RBFOX3: variants seen among roughly 807,000 people sequenced by gnomAD.
The protein encoded by RBFOX3 is RNA binding protein fox-1 homolog 3.
A neutral mutation model predicts 48.7 loss-of-function variants in RBFOX3; 17 were observed. The observed-to-expected ratio is 0.35, with a 90% CI of 0.24 to 0.52. The LOEUF (loss-of-function observed/expected upper bound fraction) is 0.52, where lower values mean the gene tolerates loss of function less well. Ranked by LOEUF, RBFOX3 falls within the 20% of genes least tolerant of loss-of-function variation. The pLI is 0.94. For missense variants in RBFOX3, 382 were observed against 497.5 expected (o/e 0.77, Z 2.21); for synonymous variants, 212 against 209.5 (o/e 1.01, Z -0.10).
At chr17:79,268,748 G>C (rs1254540640) in intron 3 of RBFOX3, among the ~76,000 whole-genome samples, 1 of 151,926 alleles carries the variant, frequency 6.6e-6, no homozygotes, top group African/African-American at 2.4e-5. Context: ...CTCCCCATCT[G>C]TCCCTCTCCA....
intron 4 of RBFOX3, among the ~76,000 whole-genome samples, chr17:79,122,548 G>C (rs1017270023): frequency 6.6e-6 from 1 of 152,202 alleles, no homozygotes; most frequent in African/African-American, 2.4e-5. Context: ...CCGAAAGACA[G>C]GCAATAACAA....
chr17:79,263,354 C>T (rs1210941141), intron 3 of RBFOX3, among the ~76,000 whole-genome samples: 1 of 152,260 alleles, frequency 6.6e-6, no homozygotes, highest in African/African-American at 2.4e-5. Context: ...TTTACAGGCA[C>T]TTTGTAAATT....
intron 2 of RBFOX3, among the ~76,000 whole-genome samples, chr17:79,464,141 G>A (rs1000299880): frequency 2.0e-5 from 3 of 152,262 alleles, no homozygotes; most frequent in Non-Finnish European, 2.9e-5. Context: ...CAGATGGGAA[G>A]ACGCAGGAGT....
chr17:79,426,229 C>T (rs1393993713), intron 2 of RBFOX3, among the ~76,000 whole-genome samples: 1 of 152,098 alleles, frequency 6.6e-6, no homozygotes, highest in Non-Finnish European at 1.5e-5. Flanking sequence ...CGGCAGCATC[C>T]CAGTCCTTTG....
rs2058811599 is a variant in RBFOX3 at position 79,214,818 on chromosome 17, GCTT to G, written c.-34+20945_-34+20947del. Among the ~76,000 whole-genome samples, 1 of 152,144 alleles carries G rather than the reference GCTT, an allele frequency of 6.6e-6. No homozygotes were observed. The highest frequency in any genetic ancestry group is 1.5e-5 in the Non-Finnish European group (1 of 68,004). On this transcript the variant is annotated intron_variant, in intron 4 of 14. Transcript: ENST00000693108. The surrounding 1 kb of genome is among the most constrained non-coding windows in gnomAD (Gnocchi z 4.7). ...CAGACAGGATATTAGCGTTTAAACAGCTTCTATTACTCCAGGGCAAACTTTAAA... is the reference window on the plus strand; with the variant it reads ...CAGACAGGATATTAGCGTTTAAACAGCTATTACTCCAGGGCAAACTTTAAA...
chr17:79,377,348 C>T (rs888920562), intron 2 of RBFOX3, among the ~76,000 whole-genome samples: 2 of 152,184 alleles, frequency 1.3e-5, no homozygotes, highest in African/African-American at 4.8e-5. Flanking sequence ...TACACACAGA[C>T]ATGCACACCC....
At chr17:79,145,202 A>T (rs2042773639) in intron 4 of RBFOX3, among the ~76,000 whole-genome samples, 2 of 151,906 alleles carry the variant, frequency 1.3e-5, no homozygotes, top group Admixed American at 1.3e-4. Flanking sequence ...CTCAGCCAGG[A>T]CCCCCAACAC....
At chr17:79,116,402 C>G (rs1014787397) in intron 4 of RBFOX3, among the ~76,000 whole-genome samples, 1 of 150,022 alleles carries the variant, frequency 6.7e-6, no homozygotes, top group African/African-American at 2.4e-5. Flanking sequence ...ATAATCCCAG[C>G]TACTCGGGAG....
chr17:79,622,993 C>T, the RBFOX3 span, among the ~76,000 whole-genome samples: 1 of 152,140 alleles, frequency 6.6e-6, no homozygotes, highest in Non-Finnish European at 1.5e-5. Context: ...CCTGGCCTCC[C>T]CACTGCCCTG....
At position 79,146,373 on chromosome 17, in the gene RBFOX3, G is replaced by A. The variant is rs74328862; in HGVS notation, c.-33-30625C>T. Among the ~76,000 whole-genome samples the A allele has an allele frequency of 7.7e-3, 1,167 of 152,318 alleles. 17 individuals are homozygous for A. The highest frequency in any genetic ancestry group is 0.026 in the African/African-American group (1,099 of 41,572). On this transcript the variant is annotated intron_variant, in intron 4 of 14. Transcript: ENST00000693108. ...AGGAGGGAGAGCTTCCCCAGGGGCC[G>A]GCAGGCCCCCGTTTCACCACTGCAT... is the stretch of plus-strand genomic sequence containing the variant.
the RBFOX3 span, among the ~76,000 whole-genome samples, chr17:79,639,576 A>T: frequency 3.3e-5 from 5 of 152,208 alleles, no homozygotes; most frequent in Admixed American, 2.0e-4. Context: ...ATGAACATAG[A>T]TGCAAAAAAA....
intron 1 of RBFOX3, chr17:79,516,213 A>G (rs1046931592): frequency 9.9e-5 from 15 of 152,260 alleles, no homozygotes; most frequent in Non-Finnish European, 1.5e-4. Context: ...AACCATTTCC[A>G]TTGCCTAAAA....
In RBFOX3 at chr17:79,348,633, T is replaced by C. The variant is rs1226432675; in HGVS notation, c.-174-40809A>G. ...TTCACTCTTTTTAAACAGGCTGGAG[T>C]GCAGTAGTGCCATCTCGGCTCACTG... On this transcript the variant is annotated intron_variant, in intron 2 of 14. Coordinates refer to ENST00000693108, the MANE Select transcript of RBFOX3 (RefSeq NM_001350451.2). Among the ~76,000 whole-genome samples the C allele has an allele frequency of 7.6e-5, 10 of 131,888 alleles. No homozygotes were observed. In the East Asian group the frequency reaches 2.4e-3, roughly 31 times the overall value. The allele number at this position is 131,888 out of a possible 152,430, so 86.5% of individuals were successfully genotyped here. A position where few individuals can be genotyped will look rare whatever the true frequency, so the allele number is the denominator to read the frequency against.
chr17:79,521,576 CACAG>C (rs1305510938), intron 1 of RBFOX3, among the ~76,000 whole-genome samples: 1 of 151,756 alleles, frequency 6.6e-6, no homozygotes. Flanking sequence ...AAACATACTC[CACAG>C]ACATACACAT....
intron 4 of RBFOX3, among the ~76,000 whole-genome samples, chr17:79,129,616 G>A (rs771412589): frequency 6.6e-6 from 1 of 152,240 alleles, no homozygotes; most frequent in African/African-American, 2.4e-5. Flanking sequence ...AAGGTGCAGA[G>A]GACACCATAG....
chr17:79,606,278 C>T (rs2093828243), intron 1 of RBFOX3, among the ~76,000 whole-genome samples: 1 of 152,210 alleles, frequency 6.6e-6, no homozygotes, highest in Non-Finnish European at 1.5e-5. Flanking sequence ...GTGGCCTTTG[C>T]TTTGGGAGAA....
intron 4 of RBFOX3, among the ~76,000 whole-genome samples, chr17:79,134,157 C>T (rs1292776285): frequency 6.6e-6 from 1 of 152,204 alleles, no homozygotes; most frequent in Non-Finnish European, 1.5e-5. Flanking sequence ...CCCACGGTGC[C>T]CTGGGGCTTC....
chr17:79,453,321 G>A (rs2073892729), intron 2 of RBFOX3, among the ~76,000 whole-genome samples: 1 of 152,228 alleles, frequency 6.6e-6, no homozygotes, highest in African/African-American at 2.4e-5. Context: ...TTTTGAAAGG[G>A]GGAGCTGTGT....
At chr17:79,097,257 C>T (rs1264847840) in intron 11 of RBFOX3, 35 bp downstream of exon 11, 71 of 1,514,032 alleles carry the variant, frequency 4.7e-5, no homozygotes, top group Non-Finnish European at 6.2e-5. Context: ...CCGTCCTACC[C>T]CCTCCTCCAC....
Sources: allele counts gnomAD v4.1 joint callset (sites outside exome capture counted in the v4.1 genomes callset), GRCh38; gene constraint gnomAD v4.1.1; non-coding constraint Gnocchi (gnomAD v3.1); transcripts MANE v1.5; gene names NCBI Gene and HGNC (gene_info 2026-07-23, HGNC 2026-07-21).